The following C1orf232 variants were observed in gnomAD, a reference collection of about 807,000 sequenced individuals.
C1orf232 encodes the protein uncharacterized protein C1orf232.
In C1orf232, 10 loss-of-function variants were observed where a neutral mutation model predicts 12.1. That is an observed-to-expected ratio of 0.82 (90% CI 0.51 to 1.40). The LOEUF (loss-of-function observed/expected upper bound fraction) is 1.40, where lower values mean the gene tolerates loss of function less well. C1orf232 is among the 40% of genes most tolerant of loss of function. The pLI, the probability that C1orf232 is intolerant of heterozygous loss-of-function variation, is 0.00. For missense variants in C1orf232, 88 were observed against 98.4 expected, an observed-to-expected ratio of 0.89 and a Z score of 0.45; for synonymous variants, 36 against 39.8, an observed-to-expected ratio of 0.90 and a Z score of 0.36.
At position 26,165,903 on chromosome 1, in the gene C1orf232, T is replaced by G. The variant is rs536495104; in HGVS notation, c.189A>C (p.Lys63Asn). Residue 63 changes from lysine to asparagine, a missense_variant, in exon 3 of 4, where the codon AAA becomes AAC. Lys to Asn is a moderately conservative substitution (Grantham distance 94). Transcript: ENST00000634842. ...ACAGAGATGACATTGTCAGCCAGCC[T>G]TTCACCCCGACCCCCTGAACCTGGG... ...LARRVQGVGV[K>N]GWLTMSSLFN... 2.1e-4 allele frequency: 262 copies of G among 1,231,538 alleles called. No homozygotes were observed. Among genetic ancestry groups the G allele is most frequent in the Middle Eastern group, 3.1e-4 (1 of 3,230 alleles). The allele number at this position is 1,231,538 out of a possible 1,614,324, so 76.3% of individuals were successfully genotyped here. A position where few individuals can be genotyped will look rare whatever the true frequency, so the allele number is the denominator to read the frequency against.
At chr1:26,166,508 G>T (rs370251401) in intron 1 of C1orf232, among the ~76,000 whole-genome samples, 42 of 150,288 alleles carry the variant, frequency 2.8e-4, no homozygotes, top group African/African-American at 9.6e-4. Context: ...ATAGAGATGG[G>T]GTTTTGCCAT....
intron 1 of C1orf232, 38 bp from the exon 2 acceptor site, chr1:26,166,156 G>T: frequency 1.6e-6 from 2 of 1,221,828 alleles, no homozygotes; most frequent in Non-Finnish European, 2.0e-6. Flanking sequence ...GAGAGAGGCC[G>T]CAGAGGAGTG....
chr1:26,166,832 T>C (rs2088433021), intron 1 of C1orf232, among the ~76,000 whole-genome samples: 1 of 152,170 alleles, frequency 6.6e-6, no homozygotes, highest in Non-Finnish European at 1.5e-5. Flanking sequence ...TGTGCACTTA[T>C]ACAACCACAG....
In C1orf232 at chr1:26,164,704, G is replaced by A. The variant is rs997011076; in HGVS notation, c.267-249C>T. Among the ~76,000 whole-genome samples, 3 of 152,072 alleles carry A rather than the reference G, an allele frequency of 2.0e-5. No individual in the cohort carries two copies. The highest frequency in any genetic ancestry group is 2.1e-4 in the South Asian group (1 of 4,820). On this transcript the variant is annotated intron_variant, in intron 3 of 3. Coordinates refer to ENST00000634842, the MANE Select transcript of C1orf232 (RefSeq NM_001364669.2). This position sits in a 1 kb window ranked among gnomAD's most constrained non-coding sequence, Gnocchi z 4.2. ...GGACAGGGTCAGGGGATTAGGCGAG[G>A]GATGTGGAGGGAGGGGACCGGGATC...
At position 26,164,567 on chromosome 1, in the gene C1orf232, G is replaced by A; in HGVS notation, c.267-112C>T. 2 of 348,486 alleles carry A rather than the reference G, an allele frequency of 5.7e-6. No homozygotes were observed. The highest frequency in any genetic ancestry group is 1.0e-5 in the Non-Finnish European group (2 of 194,362). 21.6% of individuals were successfully genotyped at this position (348,486 alleles called of 1,614,324 possible). A position where few individuals can be genotyped will look rare whatever the true frequency, so the allele number is the denominator to read the frequency against. On this transcript the variant is annotated intron_variant, in intron 3 of 3. Transcript: ENST00000634842. The surrounding 1 kb of genome is among the most constrained non-coding windows in gnomAD (Gnocchi z 4.2). ...CGGGGGAACCTGGGCGGAGTCAGGG[G>A]CAGTGGTGAGGAGCGGGGTCAGGTG...
In C1orf232 at chr1:26,168,687, C is replaced by T. The variant is rs891866913; in HGVS notation, c.-188G>A. ...GGAGGTGAACCTGATCCAAAGGAGT[C>T]GGGGAGTGGGGGATGGAACAAGCTT... On this transcript the variant is annotated 5_prime_UTR_variant, in exon 1 of 4. Transcript: ENST00000634842. 5 of 398,470 alleles carry T rather than the reference C, an allele frequency of 1.3e-5. No individual in the cohort carries two copies. Among genetic ancestry groups the T allele is most frequent in the South Asian group, 2.8e-4 (2 of 7,058 alleles). The allele number at this position is 398,470 out of a possible 1,614,324, so 24.7% of individuals were successfully genotyped here. A position where few individuals can be genotyped will look rare whatever the true frequency, so the allele number is the denominator to read the frequency against.
rs1207060420 is a variant in C1orf232, at chr1:26,164,415, C to G, written c.307G>C (p.Ala103Pro). 7.8e-6 allele frequency: 3 copies of G among 382,332 alleles called. No individual in the cohort carries two copies. 23.7% of individuals were successfully genotyped at this position (382,332 alleles called of 1,614,324 possible). The change falls in exon 4 of 4, where the codon GCG becomes CCG. Residue 103 changes from alanine to proline, a missense_variant. By Grantham distance (27) the Ala-to-Pro change is conservative (BLOSUM62 -1). Transcript: ENST00000634842. The surrounding 1 kb of genome is among the most constrained non-coding windows in gnomAD (Gnocchi z 4.2). ...ARPPSQAAAA[A>P]EARGPGFWDA... The stretch of plus-strand genomic sequence containing the variant: ...CAGAAGCCCGGGCCGCGCGCCTCCG[C>G]CGCCGCCGCCGCCTGCGAGGGGGGT...
At chr1:26,165,116 T>A (rs1211053822) in intron 3 of C1orf232, among the ~76,000 whole-genome samples, 1 of 31,480 alleles carries the variant, frequency 3.2e-5, no homozygotes, top group African/African-American at 1.3e-4. Context: ...GGGTTGGGGG[T>A]GGGGGAAAAG....
intron 3 of C1orf232, 112 bp downstream of exon 3, chr1:26,165,714 C>A (rs764904241): frequency 1.6e-6 from 2 of 1,231,110 alleles, no homozygotes; most frequent in Non-Finnish European, 2.0e-6. Flanking sequence ...CCTGGGACTG[C>A]CCCTCCCCAG....
chr1:26,168,037 G>A (rs1420624143), intron 1 of C1orf232, among the ~76,000 whole-genome samples: 1 of 152,094 alleles, frequency 6.6e-6, no homozygotes. Context: ...TCTAGTACAG[G>A]CGCCACTCCC....
In C1orf232 at chr1:26,164,351, G is replaced by A. The variant is rs2088400990; in HGVS notation, c.371C>T (p.Ala124Val). The stretch of plus-strand genomic sequence containing the variant: ...GGTGCCGCGCAGCATGGACGCCGCC[G>A]CGGCCTGCTGCTGCTGCCACCTGCT... ...FASRWQQQQA[A>V]AASMLRGTEP... Residue 124 changes from alanine (A) to valine (V), a missense_variant, in exon 4 of 4, where the codon GCG becomes GTG. Transcript: ENST00000634842. This position sits in a 1 kb window ranked among gnomAD's most constrained non-coding sequence, Gnocchi z 4.2. 2.5e-6 allele frequency: 1 copy of A among 395,288 alleles called. No homozygotes were observed. The highest frequency in any genetic ancestry group is 4.5e-6 in the Non-Finnish European group (1 of 223,944). 24.5% of individuals were successfully genotyped at this position (395,288 alleles called of 1,614,324 possible).
In C1orf232 at chr1:26,165,823, T is replaced by C; in HGVS notation, c.266+3A>G. 4.9e-6 allele frequency: 6 copies of C among 1,231,794 alleles called. No homozygotes were observed. In the Admixed American group the frequency reaches 1.3e-4, roughly 26 times the overall value. 76.3% of individuals were successfully genotyped at this position (1,231,794 alleles called of 1,614,324 possible). A position where few individuals can be genotyped will look rare whatever the true frequency, so the allele number is the denominator to read the frequency against. ...GAACCACCACAAACACACACGCACA[T>C]ACTGGTCAGCGCAAGGCTCTGATGG... is the stretch of plus-strand genomic sequence containing the variant. On this transcript the variant is annotated splice_donor_region_variant and intron_variant, in intron 3 of 3. Transcript: ENST00000634842.
chr1:26,165,046 C>A (rs1169763963), intron 3 of C1orf232, among the ~76,000 whole-genome samples: 1 of 133,644 alleles, frequency 7.5e-6, no homozygotes, highest in Non-Finnish European at 1.5e-5. Context: ...AGGGCAGTCA[C>A]GGAGAGGTGA....
chr1:26,166,463 C>T (rs1031243082), intron 1 of C1orf232, among the ~76,000 whole-genome samples: 16 of 152,174 alleles, frequency 1.1e-4, no homozygotes, highest in Non-Finnish European at 2.4e-4. Context: ...GGCCTACAGG[C>T]ACCCACCACC....
rs12129872 is a variant in C1orf232, at chr1:26,164,357, T to C, written c.365A>G (p.Gln122Arg). 170,216 of 394,250 alleles carry C rather than the reference T, an allele frequency of 0.43. 41,569 individuals carry two copies. Among genetic ancestry groups the C allele is most frequent in the East Asian group, 0.86 (23,766 of 27,748 alleles). 24.4% of individuals were successfully genotyped at this position (394,250 alleles called of 1,614,324 possible). A position where few individuals can be genotyped will look rare whatever the true frequency, so the allele number is the denominator to read the frequency against. The change falls in exon 4 of 4, where the codon CAG becomes CGG. Residue 122 changes from glutamine (Q) to arginine (R), a missense_variant. Coordinates refer to ENST00000634842, the MANE Select transcript of C1orf232 (RefSeq NM_001364669.2). The surrounding 1 kb of genome is among the most constrained non-coding windows in gnomAD (Gnocchi z 4.2). ...DAFASRWQQQ[Q>R]AAAASMLRGT... ...GCGCAGCATGGACGCCGCCGCGGCC[T>C]GCTGCTGCTGCCACCTGCTGGCGAA...
At position 26,166,082 on chromosome 1, in the gene C1orf232, C is replaced by G; in HGVS notation, c.121G>C (p.Glu41Gln). 8.1e-7 allele frequency: 1 copy of G among 1,231,732 alleles called. No homozygotes were observed. Among genetic ancestry groups the G allele is most frequent in the Non-Finnish European group, 1.0e-6 (1 of 988,004 alleles). 76.3% of individuals were successfully genotyped at this position (1,231,732 alleles called of 1,614,324 possible). ...NPALVGSETAEPTEETFNPMS... is the reference protein window; with the variant it reads ...NPALVGSETAQPTEETFNPMS... The stretch of plus-strand genomic sequence containing the variant: ...GGATTGAAGGTCTCCTCGGTCGGTT[C>G]TGCTGTCTCAGACCCCACTAATGCT... The change falls in exon 2 of 4, where the codon GAA becomes CAA. Residue 41 changes from glutamate to glutamine, a missense_variant. Coordinates refer to ENST00000634842, the MANE Select transcript of C1orf232 (RefSeq NM_001364669.2).
In C1orf232 at chr1:26,164,220, C is replaced by A; in HGVS notation, c.502G>T (p.Gly168Cys). Residue 168 changes from glycine (G) to cysteine (C), a missense_variant, in exon 4 of 4, where the codon GGC becomes TGC. Physicochemically the swap from Gly to Cys is radical, Grantham distance 159. Transcript: ENST00000634842. This position sits in a 1 kb window ranked among gnomAD's most constrained non-coding sequence, Gnocchi z 4.2. ...TCGGCCAGTTTGTGAGTGAGGAAGC[C>A]CCACTTGAAGCCGGCCACCGGCTCG... is the stretch of plus-strand genomic sequence containing the variant. Reference protein sequence around the residue: ...EAEPVAGFKWGFLTHKLAEMR... With the variant: ...EAEPVAGFKWCFLTHKLAEMR... 2.5e-6 allele frequency: 1 copy of A among 398,524 alleles called. No homozygotes were observed. The highest frequency in any genetic ancestry group is 4.4e-6 in the Non-Finnish European group (1 of 225,994). The allele number at this position is 398,524 out of a possible 1,614,324, so 24.7% of individuals were successfully genotyped here. A position where few individuals can be genotyped will look rare whatever the true frequency, so the allele number is the denominator to read the frequency against.
At position 26,168,807 on chromosome 1, in the gene C1orf232, T is replaced by G. The variant is rs1455475602; in HGVS notation, c.-308A>C. On this transcript the variant is annotated 5_prime_UTR_variant, in exon 1 of 4. Coordinates refer to ENST00000634842, the MANE Select transcript of C1orf232 (RefSeq NM_001364669.2). ...CTTTCTTCCTGGGCCTAGGAGTACT[T>G]GAGTTGTTCATCTCTTAGCATGCCT... Among the ~76,000 whole-genome samples, 2 of 152,194 alleles carry G rather than the reference T, an allele frequency of 1.3e-5. No homozygotes were observed. The highest frequency in any genetic ancestry group is 6.5e-5 in the Admixed American group (1 of 15,288).
rs940722459 is a variant in C1orf232 at position 26,168,274 on chromosome 1, A to G, written c.84+142T>C. 11 of 506,174 alleles carry G rather than the reference A, an allele frequency of 2.2e-5. No individual in the cohort carries two copies. In the African/African-American group the frequency reaches 2.2e-4, roughly 10 times the overall value. The allele number at this position is 506,174 out of a possible 1,614,324, so 31.4% of individuals were successfully genotyped here. ...TGTCCTGGCTTTCTGATGCTGCACC[A>G]TGGTTTTTACCATCCCTGAATGTGG... On this transcript the variant is annotated intron_variant, in intron 1 of 3. Transcript: ENST00000634842.
Sources: gnomAD v4.1 joint callset for allele counts (sites outside exome capture counted in the v4.1 genomes callset) on GRCh38, gnomAD v4.1.1 for gene constraint, Gnocchi (gnomAD v3.1) non-coding constraint, MANE v1.5 for transcripts, NCBI Gene and HGNC (gene_info 2026-07-23, HGNC 2026-07-21) for gene names.